The following UBN2 variants were observed in gnomAD, a reference collection of about 807,000 sequenced individuals.
UBN2 encodes ubinuclein 2.
In UBN2, 35 loss-of-function variants were observed where a neutral mutation model predicts 120.2. The observed-to-expected ratio is 0.29, with a 90% CI of 0.22 to 0.39. UBN2 has a LOEUF of 0.39. UBN2 is among the 10% of genes least tolerant of loss of function. The pLI is 1.00. For synonymous variants in UBN2, 661 were observed against 648.7 expected (o/e 1.02, Z -0.29); for missense variants, 1,693 against 1,663.2 (o/e 1.02, Z -0.31).
rs1192281916 is a variant in UBN2, at chr7:139,305,874, G to A, written c.*8038G>A. On this transcript the variant is annotated 3_prime_UTR_variant, in exon 18 of 18. Coordinates refer to ENST00000473989, the MANE Select transcript of UBN2 (RefSeq NM_173569.4). The stretch of plus-strand genomic sequence containing the variant: ...AAAGAGATGGAGATCTTCATTAGAG[G>A]CTATTTCTCATAATAGTCTGCCTTG... The A allele has an allele frequency of 6.6e-6, 1 of 152,044 alleles. No individual in the cohort carries two copies. The allele number at this position is 152,044 out of a possible 1,614,324, so 9.4% of individuals were successfully genotyped here.
At chr7:139,282,264 C>T (rs1200124092) in intron 14 of UBN2, among the ~76,000 whole-genome samples, 2 of 152,116 alleles carry the variant, frequency 1.3e-5, no homozygotes, top group African/African-American at 4.8e-5. Context: ...ATATTATAAA[C>T]TGTGCTCTAG....
At chr7:139,240,596 G>C (rs1796294941) in intron 2 of UBN2, among the ~76,000 whole-genome samples, 1 of 151,900 alleles carries the variant, frequency 6.6e-6, no homozygotes, top group African/African-American at 2.4e-5. Context: ...AAACTACAAT[G>C]ATCTTTATTG....
chr7:139,284,145 C>G lies in UBN2; in HGVS notation c.3240C>G (p.Asn1080Lys). 6 of 1,614,136 alleles carry G rather than the reference C, an allele frequency of 3.7e-6. No homozygotes were observed. The highest frequency in any genetic ancestry group is 5.1e-6 in the Non-Finnish European group (6 of 1,180,022). ...CAACTAAACTTATTTCTAAATCCAA[C>G]CCAACTCCCAAGCCTACTGTATCCC... ...SVSTKLISKS[N>K]PTPKPTVSPS... The change falls in exon 15 of 18, where the codon AAC becomes AAG. Residue 1080 changes from asparagine (N) to lysine (K), a missense_variant. Around this residue, in one of 5 missense-constraint regions of UBN2, gnomAD observed 837 missense variants for 817.6 expected, o/e 1.02. Coordinates refer to ENST00000473989, the MANE Select transcript of UBN2 (RefSeq NM_173569.4).
rs140181493 is a variant in UBN2, at chr7:139,297,882, A to G, written c.*46A>G. The G allele has an allele frequency of 1.3e-5, 21 of 1,600,376 alleles. No homozygotes were observed. The African/African-American group carries it at 2.3e-4, about 17-fold the overall frequency. ...ACGAAATGTTTAGTTGACTGATGGA[A>G]TCTACCTGATGGGAAAGTACTTATG... On this transcript the variant is annotated 3_prime_UTR_variant, in exon 18 of 18. Transcript: ENST00000473989.
rs144444951 is a variant in UBN2, at chr7:139,273,522, G to A, written c.1829+112G>A. 1.3e-5 allele frequency: 9 copies of A among 705,944 alleles called. No individual in the cohort carries two copies. The East Asian group carries it at 1.4e-4, about 11-fold the overall frequency. The allele number at this position is 705,944 out of a possible 1,614,324, so 43.7% of individuals were successfully genotyped here. ...AGATTGGAAGCAACCAAAGATTAGT[G>A]TGTAGGAAAAAATTATTCAAGAGAA... On this transcript the variant is annotated intron_variant, in intron 10 of 17. Transcript: ENST00000473989.
intron 15 of UBN2, among the ~76,000 whole-genome samples, chr7:139,287,433 A>T (rs923132688): frequency 6.6e-6 from 1 of 152,122 alleles, no homozygotes; most frequent in African/African-American, 2.4e-5. Flanking sequence ...ATCTTTCTTC[A>T]TCCTTTGTCA....
chr7:139,284,630 T>C (rs982444598), intron 15 of UBN2, 56 bp downstream of exon 15: 2 of 1,453,878 alleles, frequency 1.4e-6, no homozygotes, highest in Non-Finnish European at 9.2e-7. Context: ...AATGTCGTCT[T>C]TCTTGTGGGT....
At chr7:139,317,656 T>C in the UBN2 span, among the ~76,000 whole-genome samples, 1 of 151,928 alleles carries the variant, frequency 6.6e-6, no homozygotes, top group African/African-American at 2.4e-5. Context: ...GCTATTCTTG[T>C]TGTTTTGGTT....
chr7:139,243,568 A>G (rs959461162), intron 2 of UBN2, among the ~76,000 whole-genome samples: 37 of 152,214 alleles, frequency 2.4e-4, no homozygotes, highest in African/African-American at 7.5e-4. Context: ...GCAACTGCCA[A>G]AAGTTTGGTT....
chr7:139,310,717 G>A (rs916723795), downstream of UBN2, among the ~76,000 whole-genome samples: 5 of 152,230 alleles, frequency 3.3e-5, no homozygotes, highest in Admixed American at 6.5e-5. Flanking sequence ...AGGTTGCAGT[G>A]AGCCGAGATC....
intron 5 of UBN2, among the ~76,000 whole-genome samples, chr7:139,259,711 T>C (rs1378827876): frequency 6.6e-6 from 1 of 152,216 alleles, no homozygotes; most frequent in East Asian, 1.9e-4. Context: ...GGCAGTAGCC[T>C]ATATGTAAAC....
intron 13 of UBN2, among the ~76,000 whole-genome samples, chr7:139,279,914 A>G (rs1027532019): frequency 6.0e-4 from 92 of 152,348 alleles, no homozygotes; most frequent in African/African-American, 2.1e-3. Flanking sequence ...AGCAACCAGC[A>G]GAGACATTAA....
the UBN2 span, among the ~76,000 whole-genome samples, chr7:139,325,606 C>G: frequency 6.6e-6 from 1 of 152,134 alleles, no homozygotes; most frequent in East Asian, 1.9e-4. Context: ...TATAGCATCA[C>G]ACTCGACAGA....
intron 2 of UBN2, among the ~76,000 whole-genome samples, chr7:139,241,954 C>T (rs1369277101): frequency 2.0e-5 from 3 of 152,108 alleles, no homozygotes; most frequent in African/African-American, 7.2e-5. Flanking sequence ...GCCGAAATCA[C>T]GCCGTTGTAC....
chr7:139,237,159 G>A, intron 2 of UBN2, 62 bp downstream of exon 2: 3 of 1,271,052 alleles, frequency 2.4e-6, no homozygotes, highest in Non-Finnish European at 3.4e-6. Context: ...GCTTTCTGTG[G>A]CTGGTTGGGA....
At chr7:139,318,973 A>G in the UBN2 span, among the ~76,000 whole-genome samples, 1 of 152,184 alleles carries the variant, frequency 6.6e-6, no homozygotes. Context: ...TCGAGACAGA[A>G]AAGCCTTTTC....
chr7:139,328,836 A>G, the UBN2 span, among the ~76,000 whole-genome samples: 1 of 151,258 alleles, frequency 6.6e-6, no homozygotes, highest in African/African-American at 2.4e-5. Flanking sequence ...TGCACTCCAC[A>G]ACAGACTGAG....
chr7:139,287,732 T>C (rs1013016711), intron 15 of UBN2, among the ~76,000 whole-genome samples: 2 of 150,900 alleles, frequency 1.3e-5, no homozygotes, highest in Admixed American at 1.3e-4. Context: ...TTGAATAAGG[T>C]CATTTCTACC....
rs756828827 is a variant in UBN2 at position 139,284,043 on chromosome 7, C to G, written c.3138C>G (p.Ala1046=). The part of the protein sequence containing the change: ...SPKLAASPKP[A]TSPKPLPSPK... Reference sequence around the variant, plus strand: ...AACTTGCCGCATCTCCCAAGCCTGCCACATCTCCTAAACCCCTGCCCTCGC... The same window carrying G: ...AACTTGCCGCATCTCCCAAGCCTGCGACATCTCCTAAACCCCTGCCCTCGC... The change falls in exon 15 of 18, where the codon GCC becomes GCG. Residue 1046 remains alanine, a synonymous_variant. Coordinates refer to ENST00000473989, the MANE Select transcript of UBN2 (RefSeq NM_173569.4). 6.2e-7 allele frequency: 1 copy of G among 1,614,144 alleles called. No homozygotes were observed. Among genetic ancestry groups the G allele is most frequent in the Non-Finnish European group, 8.5e-7 (1 of 1,180,030 alleles).
Sources: gnomAD v4.1 joint callset for allele counts (sites outside exome capture counted in the v4.1 genomes callset) on GRCh38, gnomAD v4.1.1 for gene constraint, gnomAD v4.1.1 regional missense constraint, MANE v1.5 for transcripts, NCBI Gene and HGNC (gene_info 2026-07-23, HGNC 2026-07-21) for gene names.